PXDNL: variants seen among roughly 807,000 people sequenced by gnomAD.
The protein encoded by PXDNL is peroxidasin like, also known as probable oxidoreductase PXDNL.
PXDNL carries 145 observed loss-of-function variants against 150.8 expected under a neutral mutation model. That is an observed-to-expected ratio of 0.96 (90% CI 0.84 to 1.10). The LOEUF is 1.10. Ranked by LOEUF, PXDNL falls within the 50% of genes least tolerant of loss-of-function variation. PXDNL has a pLI of 0.00. For synonymous variants in PXDNL, 757 were observed against 725.7 expected (o/e 1.04, Z -0.69); for missense variants, 2,087 against 1,873.9 (o/e 1.11, Z -2.10).
In PXDNL at chr8:51,408,108, T is replaced by C; in HGVS notation, c.3516A>G (p.Gln1172=). ...LTSVKNFEDL[Q]NEIKDSEIRQ... ...TAATCTCTGAATCTTTAATTTCATT[T>C]TGAAGATCCTCAAAGTTCTTAACTG... Residue 1172 remains glutamine, a synonymous_variant, in exon 17 of 23, where the codon CAA becomes CAG. Coordinates refer to ENST00000356297, the MANE Select transcript of PXDNL (RefSeq NM_144651.5). The C allele has an allele frequency of 6.2e-7, 1 of 1,606,452 alleles. No homozygotes were observed. The highest frequency in any genetic ancestry group is 8.5e-7 in the Non-Finnish European group (1 of 1,178,090).
intron 1 of PXDNL, among the ~76,000 whole-genome samples, chr8:51,739,702 G>A (rs1439173899): frequency 2.0e-5 from 3 of 151,788 alleles, no homozygotes; most frequent in Middle Eastern, 3.4e-3. Context: ...GTGAAGCCCC[G>A]TTTCTACTAA....
chr8:51,584,342 G>A (rs1429094507), intron 3 of PXDNL, among the ~76,000 whole-genome samples: 1 of 152,154 alleles, frequency 6.6e-6, no homozygotes, highest in East Asian at 1.9e-4. Context: ...AGGCAGGGTA[G>A]GAGAGGTGTC....
intron 1 of PXDNL, among the ~76,000 whole-genome samples, chr8:51,665,999 C>G (rs1174217247): frequency 6.6e-6 from 1 of 152,184 alleles, no homozygotes; most frequent in African/African-American, 2.4e-5. Context: ...TGCTTTATCT[C>G]TTACACCGAT....
chr8:51,763,456 T>C (rs749718135), intron 1 of PXDNL, among the ~76,000 whole-genome samples: 11 of 152,126 alleles, frequency 7.2e-5, no homozygotes, highest in Non-Finnish European at 1.6e-4. Context: ...CAGGTGTCAG[T>C]AGGCCACTGC....
rs576707813 is a variant in PXDNL, at chr8:51,569,471, C to A, written c.309-12560G>T. ...GTTATGATGAACATACAGAGATAAACACACATGACAATTGTATGTCGCTCT... is the reference window on the plus strand; with the variant it reads ...GTTATGATGAACATACAGAGATAAAAACACATGACAATTGTATGTCGCTCT... On this transcript the variant is annotated intron_variant, in intron 3 of 22. Coordinates refer to ENST00000356297, the MANE Select transcript of PXDNL (RefSeq NM_144651.5). 2.6e-5 allele frequency among the ~76,000 whole-genome samples: 4 copies of A among 151,976 alleles called. 1 individual carries two copies. In the South Asian group the frequency reaches 8.3e-4, roughly 31 times the overall value.
chr8:51,394,950 T>C (rs1231678946), intron 17 of PXDNL, among the ~76,000 whole-genome samples: 1 of 152,128 alleles, frequency 6.6e-6, no homozygotes, highest in Non-Finnish European at 1.5e-5. Flanking sequence ...GGTACAATGG[T>C]CATCCCACAT....
intron 6 of PXDNL, among the ~76,000 whole-genome samples, chr8:51,479,671 C>T (rs1488213844): frequency 2.0e-5 from 3 of 151,884 alleles, no homozygotes; most frequent in Admixed American, 6.6e-5. Context: ...TGCATGCACA[C>T]GGACGTAGGG....
intron 17 of PXDNL, among the ~76,000 whole-genome samples, chr8:51,376,922 G>T (rs1459463031): frequency 6.6e-6 from 1 of 152,004 alleles, no homozygotes; most frequent in Non-Finnish European, 1.5e-5. Flanking sequence ...GTTTCACCGT[G>T]TTAGCCAGGA....
intron 1 of PXDNL, among the ~76,000 whole-genome samples, chr8:51,749,671 C>T (rs2037023006): frequency 6.6e-6 from 1 of 152,168 alleles, no homozygotes; most frequent in Admixed American, 6.5e-5. Context: ...TTCATTAACA[C>T]TGAACACTTC....
intron 1 of PXDNL, among the ~76,000 whole-genome samples, chr8:51,743,950 G>GGA (rs2036935886): frequency 1.2e-4 from 1 of 8,452 alleles, no homozygotes; most frequent in African/African-American, 2.3e-4. Context: ...GAGAGAAAGA[G>GGA]AGAAAGAAAA....
chr8:51,451,764 A>G (rs1202356776), intron 10 of PXDNL, among the ~76,000 whole-genome samples: 1 of 152,182 alleles, frequency 6.6e-6, no homozygotes, highest in African/African-American at 2.4e-5. Flanking sequence ...ATGGATAGAA[A>G]CCTGTTAAAA....
chr8:51,438,376 G>C (rs1015022947), intron 12 of PXDNL, among the ~76,000 whole-genome samples: 1 of 152,038 alleles, frequency 6.6e-6, no homozygotes, highest in African/African-American at 2.4e-5. Flanking sequence ...AGCAAAAAGA[G>C]CAAATCTAGA....
chr8:51,718,588 T>C (rs542389174), intron 1 of PXDNL, among the ~76,000 whole-genome samples: 1 of 152,334 alleles, frequency 6.6e-6, no homozygotes, highest in Admixed American at 6.5e-5. Flanking sequence ...GGGGCACACT[T>C]CTCATTGCTT....
At chr8:51,481,674 G>A (rs1460422043) in intron 6 of PXDNL, among the ~76,000 whole-genome samples, 1 of 152,208 alleles carries the variant, frequency 6.6e-6, no homozygotes, top group African/African-American at 2.4e-5. Flanking sequence ...TCTGAACATG[G>A]TGCCCTGCAT....
chr8:51,534,181 G>C (rs1413873066), intron 4 of PXDNL, among the ~76,000 whole-genome samples: 1 of 140,042 alleles, frequency 7.1e-6, no homozygotes, highest in Non-Finnish European at 1.5e-5. Flanking sequence ...CCACAACCCT[G>C]TCTGGGAGGT....
At chr8:51,515,464 C>A (rs1356040283) in intron 4 of PXDNL, among the ~76,000 whole-genome samples, 3 of 152,198 alleles carry the variant, frequency 2.0e-5, no homozygotes, top group Admixed American at 6.5e-5. Context: ...ACTCTTGACA[C>A]ACACCACTAA....
At chr8:51,584,474 C>A (rs1040367365) in intron 3 of PXDNL, among the ~76,000 whole-genome samples, 1 of 152,138 alleles carries the variant, frequency 6.6e-6, no homozygotes, top group Non-Finnish European at 1.5e-5. Flanking sequence ...TTCATCTATT[C>A]CATATATAAA....
chr8:51,356,470 G>C (rs1354062274), intron 19 of PXDNL, among the ~76,000 whole-genome samples: 6 of 142,272 alleles, frequency 4.2e-5, no homozygotes, highest in Non-Finnish European at 9.0e-5. Flanking sequence ...GTGGTGATAA[G>C]AGTGAAACTC....
chr8:51,809,273 G>A lies in PXDNL; in HGVS notation c.72C>T (p.Cys24=), dbSNP rs2037709752. Residue 24 remains cysteine (C), a synonymous_variant, in exon 1 of 23, where the codon TGC becomes TGT. Transcript: ENST00000356297. ...LAGWCLPGLP[C]PSRCLCFKST... is the part of the protein sequence containing the mutation. Reference sequence around the variant, plus strand: ...TCTTAAAGCAAAGGCACCGGCTGGGGCAGGGCAACCCTGGCAGGCACCACC... The same window carrying A: ...TCTTAAAGCAAAGGCACCGGCTGGGACAGGGCAACCCTGGCAGGCACCACC... 2 of 1,601,408 alleles carry A rather than the reference G, an allele frequency of 1.2e-6. No individual in the cohort carries two copies. The highest frequency in any genetic ancestry group is 4.5e-5 in the East Asian group (2 of 44,472).
Sources: allele counts gnomAD v4.1 joint callset (sites outside exome capture counted in the v4.1 genomes callset), GRCh38; gene constraint gnomAD v4.1.1; transcripts MANE v1.5; gene names NCBI Gene and HGNC (gene_info 2026-07-23, HGNC 2026-07-21).